The following TTC27 variants were observed in gnomAD, a reference collection of about 807,000 sequenced individuals.
The protein encoded by TTC27 is tetratricopeptide repeat protein 27.
In TTC27, 79 loss-of-function variants were observed where a neutral mutation model predicts 115.9. The observed-to-expected ratio is 0.68, with a 90% CI of 0.57 to 0.82. TTC27 has a LOEUF of 0.82. TTC27 is among the 40% of genes least tolerant of loss of function. TTC27 has a pLI of 0.00. For missense variants in TTC27, 1,054 were observed against 993.1 expected, an observed-to-expected ratio of 1.06 and a Z score of -0.82; for synonymous variants, 401 against 356.0, an observed-to-expected ratio of 1.13 and a Z score of -1.42.
At chr2:32,730,637 T>C (rs1352409628) in intron 10 of TTC27, among the ~76,000 whole-genome samples, 1 of 151,660 alleles carries the variant, frequency 6.6e-6, no homozygotes, top group Non-Finnish European at 1.5e-5. Context: ...TTTTTTTTTT[T>C]TCTTGAGACA....
chr2:32,674,008 G>C (rs896991603), intron 8 of TTC27, among the ~76,000 whole-genome samples: 2 of 151,960 alleles, frequency 1.3e-5, no homozygotes, highest in African/African-American at 4.8e-5. Flanking sequence ...TCTTTGAAAG[G>C]TAATTTTAGA....
intron 10 of TTC27, among the ~76,000 whole-genome samples, chr2:32,714,397 A>T (rs1559218703): frequency 6.6e-6 from 1 of 151,934 alleles, no homozygotes; most frequent in East Asian, 1.9e-4. Context: ...TGACCTTGTG[A>T]TCTGCTTACC....
At chr2:32,814,992 C>T (rs952194693) in intron 18 of TTC27, among the ~76,000 whole-genome samples, 6 of 152,144 alleles carry the variant, frequency 3.9e-5, no homozygotes, top group Non-Finnish European at 8.8e-5. Flanking sequence ...CTTCAGAAAG[C>T]TTGATAAGAT....
chr2:32,682,710 C>G (rs903092082), intron 9 of TTC27, among the ~76,000 whole-genome samples: 6 of 149,450 alleles, frequency 4.0e-5, no homozygotes, highest in African/African-American at 1.5e-4. Context: ...CTCTTGTCGC[C>G]CAGGCTGGAA....
chr2:32,809,748 C>A (rs530526393), intron 16 of TTC27, among the ~76,000 whole-genome samples: 1 of 152,172 alleles, frequency 6.6e-6, no homozygotes, highest in African/African-American at 2.4e-5. Context: ...CTGGTGCAGA[C>A]TGCAGTTTAA....
At chr2:32,790,043 TA>T (rs143674843) in intron 16 of TTC27, among the ~76,000 whole-genome samples, 9 of 150,090 alleles carry the variant, frequency 6.0e-5, no homozygotes, top group Admixed American at 2.0e-4. Flanking sequence ...AAAAAAAATC[TA>T]AAAAAAATAG....
At chr2:32,702,988 T>A in intron 10 of TTC27, 68 bp downstream of exon 10, 1 of 1,058,322 alleles carries the variant, frequency 9.4e-7, no homozygotes, top group Non-Finnish European at 1.5e-6. Flanking sequence ...GCATACATGT[T>A]TGCTATGAAT....
intron 4 of TTC27, among the ~76,000 whole-genome samples, chr2:32,643,400 G>GGTTCAAGTGATTCTCCTGC (rs1226806734): frequency 1.3e-5 from 2 of 151,936 alleles, no homozygotes; most frequent in Non-Finnish European, 1.5e-5. Flanking sequence ...CTGCCTCCTG[G>GGTTCAAGTGATTCTCCTGC]GTTCAAGTGA....
rs189063262 is a variant in TTC27 at position 32,707,199 on chromosome 2, A to G, written c.1233+4279A>G. 8.9e-4 allele frequency among the ~76,000 whole-genome samples: 136 copies of G among 152,332 alleles called. 1 individual carries two copies. The highest frequency in any genetic ancestry group is 1.6e-3 in the Non-Finnish European group (111 of 68,028). On this transcript the variant is annotated intron_variant, in intron 10 of 19. Coordinates refer to ENST00000317907, the MANE Select transcript of TTC27 (RefSeq NM_017735.5). Reference sequence around the variant, plus strand: ...CAGGGTACCACAGACTGGGTAATTTATAAAGAAAAGAAATTTGTTTCTTAC... The same window carrying G: ...CAGGGTACCACAGACTGGGTAATTTGTAAAGAAAAGAAATTTGTTTCTTAC...
At chr2:32,630,474 AT>A in intron 1 of TTC27, 48 bp from the exon 2 acceptor site, 1 of 1,444,552 alleles carries the variant, frequency 6.9e-7, no homozygotes, top group Non-Finnish European at 9.4e-7. Flanking sequence ...CCTTTACGGT[AT>A]GAAAAATAAT....
At chr2:32,676,714 C>G (rs1666223015) in intron 8 of TTC27, among the ~76,000 whole-genome samples, 1 of 151,920 alleles carries the variant, frequency 6.6e-6, no homozygotes, top group Non-Finnish European at 1.5e-5. Flanking sequence ...TGGTCTTGAA[C>G]TCCTAACCTC....
At chr2:32,792,488 T>G (rs1368781328) in intron 16 of TTC27, among the ~76,000 whole-genome samples, 1 of 150,106 alleles carries the variant, frequency 6.7e-6, no homozygotes, top group Admixed American at 6.6e-5. Context: ...GTTTTTTGTT[T>G]TGTTTTTTGG....
intron 9 of TTC27, among the ~76,000 whole-genome samples, chr2:32,688,837 A>G (rs1666722890): frequency 6.6e-6 from 1 of 152,156 alleles, no homozygotes; most frequent in African/African-American, 2.4e-5. Flanking sequence ...TTCTTATAAA[A>G]TTAATCATCA....
intron 10 of TTC27, among the ~76,000 whole-genome samples, chr2:32,727,907 C>T (rs551885330): frequency 3.3e-5 from 5 of 152,030 alleles, no homozygotes; most frequent in South Asian, 2.1e-4. Flanking sequence ...AGAAAAGCTT[C>T]GAGTCCCTTA....
chr2:32,811,798 T>G (rs1671324834), intron 17 of TTC27, among the ~76,000 whole-genome samples: 1 of 152,196 alleles, frequency 6.6e-6, no homozygotes, highest in Admixed American at 6.5e-5. Context: ...GTTTCCAAAG[T>G]TGGAATAATT....
chr2:32,754,827 A>C (rs867226496), intron 12 of TTC27, among the ~76,000 whole-genome samples: 18 of 126,194 alleles, frequency 1.4e-4, no homozygotes, highest in Admixed American at 2.3e-4. Flanking sequence ...GGGGGGGCTG[A>C]CCCCCCCCAC....
intron 16 of TTC27, among the ~76,000 whole-genome samples, chr2:32,806,427 A>C (rs1671129631): frequency 6.6e-6 from 1 of 152,220 alleles, no homozygotes; most frequent in African/African-American, 2.4e-5. Context: ...CTGCTTTTGC[A>C]GTCAGTCTGG....
chr2:32,727,765 AGTT>A (rs1202590038), intron 10 of TTC27, among the ~76,000 whole-genome samples: 2 of 152,212 alleles, frequency 1.3e-5, no homozygotes, highest in Middle Eastern at 3.4e-3. Flanking sequence ...TGGAAAAGGT[AGTT>A]GTTTTTTATA....
chr2:32,697,002 C>G (rs988957411), intron 9 of TTC27, among the ~76,000 whole-genome samples: 1 of 152,014 alleles, frequency 6.6e-6, no homozygotes, highest in Admixed American at 6.6e-5. Context: ...AGTTCGAGAC[C>G]CGCCTGGGTG....
Sources: allele counts gnomAD v4.1 joint callset (sites outside exome capture counted in the v4.1 genomes callset), GRCh38; gene constraint gnomAD v4.1.1; transcripts MANE v1.5; gene names NCBI Gene and HGNC (gene_info 2026-07-23, HGNC 2026-07-21).